The following ALOXE3 variants were observed in gnomAD, a reference collection of about 807,000 sequenced individuals.
ALOXE3 encodes the protein hydroperoxide isomerase ALOXE3.
A neutral mutation model predicts 87.5 loss-of-function variants in ALOXE3; 78 were observed. The observed-to-expected ratio is 0.89, with a 90% confidence interval of 0.74 to 1.08. ALOXE3 has a LOEUF of 1.08. Ranked by LOEUF, ALOXE3 falls within the 50% of genes least tolerant of loss-of-function variation. The pLI, the probability that ALOXE3 is intolerant of heterozygous loss-of-function variation, is 0.00. For synonymous variants in ALOXE3, 363 were observed against 370.8 expected (o/e 0.98, Z 0.24); for missense variants, 946 against 912.4 (o/e 1.04, Z -0.47).
intron 6 of ALOXE3, among the ~76,000 whole-genome samples, chr17:8,113,729 T>C (rs1309256694): frequency 6.7e-6 from 1 of 149,852 alleles, no homozygotes; most frequent in Non-Finnish European, 1.5e-5. Flanking sequence ...TAACATAGGA[T>C]GTATAAAGAT....
chr17:8,109,829 C>T (rs1024861701), intron 11 of ALOXE3, 87 bp downstream of exon 11: 13 of 1,381,238 alleles, frequency 9.4e-6, no homozygotes, highest in Non-Finnish European at 1.3e-5. Context: ...TCACAAGGGG[C>T]TTGGGCGCAG....
chr17:8,118,293 C>T lies in ALOXE3; in HGVS notation c.-303G>A, dbSNP rs900955386. 2 of 1,551,720 alleles carry T rather than the reference C, an allele frequency of 1.3e-6. No individual in the cohort carries two copies. Among genetic ancestry groups the T allele is most frequent in the Non-Finnish European group, 1.7e-6 (2 of 1,146,996 alleles). ...GGCTCACCCAGATGGATATCAGGAG[C>T]CTGGGTTCCACTGCGGAGGGAGGGA... is the stretch of plus-strand genomic sequence containing the variant. On this transcript the variant is annotated 5_prime_UTR_variant, in exon 2 of 16. Transcript: ENST00000448843.
chr17:8,104,361 G>A, intron 13 of ALOXE3, 146 bp from the exon 14 acceptor site: 1 of 668,470 alleles, frequency 1.5e-6, no homozygotes, highest in Non-Finnish European at 2.7e-6. Flanking sequence ...GTTAGGGATG[G>A]CCACCACCAA....
rs116686400 is a variant in ALOXE3 at position 8,096,366 on chromosome 17, G to T, written c.*261C>A. The T allele has an allele frequency of 3.1e-4, 148 of 471,636 alleles. 1 individual carries two copies. Among genetic ancestry groups the T allele is most frequent in the African/African-American group, 2.6e-3 (134 of 51,720 alleles). The allele number at this position is 471,636 out of a possible 1,614,324, so 29.2% of individuals were successfully genotyped here. A position where few individuals can be genotyped will look rare whatever the true frequency, so the allele number is the denominator to read the frequency against. ...CCCAAGTGGGGCAAGAAGTGAAGCG[G>T]TTCCTTCCTTTCGGAGGGGCTATTG... is the stretch of plus-strand genomic sequence containing the variant. On this transcript the variant is annotated 3_prime_UTR_variant, in exon 16 of 16. Transcript: ENST00000448843.
chr17:8,110,033 G>A (rs1232687617), intron 10 of ALOXE3, 31 bp from the exon 11 acceptor site: 1 of 1,570,832 alleles, frequency 6.4e-7, no homozygotes, highest in Non-Finnish European at 8.6e-7. Context: ...GTGAGCTGAA[G>A]GCCGGGGACA....
At position 8,117,132 on chromosome 17, in the gene ALOXE3, AG is replaced by A. The variant is rs1457589282; in HGVS notation, c.148-153del. 3.9e-6 allele frequency: 3 copies of A among 759,864 alleles called. No individual in the cohort carries two copies. The African/African-American group carries it at 5.2e-5, about 13-fold the overall frequency. The allele number at this position is 759,864 out of a possible 1,614,324, so 47.1% of individuals were successfully genotyped here. Reference sequence around the variant, plus strand: ...CCGGGCTTTTGTATGAATTAGAAAAAGCTTCCCCGGGCCGGGAGAGGTGGCT... The same window carrying A: ...CCGGGCTTTTGTATGAATTAGAAAAACTTCCCCGGGCCGGGAGAGGTGGCT... On this transcript the variant is annotated intron_variant, in intron 2 of 15. Transcript: ENST00000448843.
At chr17:8,108,714 C>G in intron 12 of ALOXE3, 125 bp from the exon 13 acceptor site, 1 of 1,418,928 alleles carries the variant, frequency 7.0e-7, no homozygotes, top group Non-Finnish European at 9.7e-7. Flanking sequence ...CAGGGACCCC[C>G]AGGTGCAGCT....
Position 8,103,633 on chromosome 17 carries a change from G to A in ALOXE3, c.1786-140C>T. 5 of 923,024 alleles carry A rather than the reference G, an allele frequency of 5.4e-6. No individual in the cohort carries two copies. The South Asian group carries it at 5.7e-5, about 11-fold the overall frequency. The allele number at this position is 923,024 out of a possible 1,614,324, so 57.2% of individuals were successfully genotyped here. ...GGGATCACGGAAAGGCAAGAGAGCT[G>A]GGAAATGAGGGGATCATGGAAAGGC... On this transcript the variant is annotated intron_variant, in intron 14 of 15. Coordinates refer to ENST00000448843, the MANE Select transcript of ALOXE3 (RefSeq NM_021628.3).
intron 6 of ALOXE3, 132 bp downstream of exon 6, chr17:8,114,352 G>A: frequency 7.9e-7 from 1 of 1,259,204 alleles, no homozygotes; most frequent in Non-Finnish European, 1.1e-6. Context: ...GAGAGGGAAT[G>A]AGTCCAGAGA....
At chr17:8,109,406 G>C in intron 11 of ALOXE3, 63 bp from the exon 12 acceptor site, 1 of 1,592,350 alleles carries the variant, frequency 6.3e-7, no homozygotes, top group Non-Finnish European at 8.5e-7. Context: ...GTCTGGGCAC[G>C]AGATGGGGCT....
At chr17:8,108,064 A>AAAGAAAGAAAGAAAGG (rs1555647186) in intron 13 of ALOXE3, among the ~76,000 whole-genome samples, 2 of 149,332 alleles carry the variant, frequency 1.3e-5, no homozygotes, top group Admixed American at 6.7e-5. Context: ...AGAAAGAAAG[A>AAAGAAAGAAAGAAAGG]AAGGAAGAGA....
rs1980629564 is a variant in ALOXE3, at chr17:8,116,820, T to G, written c.308A>C (p.Gln103Pro). ...DGSVSHFPCYQWIEGYCTVEL... is the reference protein window; with the variant it reads ...DGSVSHFPCYPWIEGYCTVEL... Reference sequence around the variant, plus strand: ...CACGGTGCAGTAGCCTTCAATCCACTGATAGCAGGGGAAGTGGGATACACT... The same window carrying G: ...CACGGTGCAGTAGCCTTCAATCCACGGATAGCAGGGGAAGTGGGATACACT... Residue 103 changes from glutamine (Q) to proline (P), a missense_variant, in exon 3 of 16, where the codon CAG becomes CCG. Physicochemically the swap from Gln to Pro is moderately conservative, Grantham distance 76. Transcript: ENST00000448843. The G allele has an allele frequency of 2.5e-6, 4 of 1,614,188 alleles. No homozygotes were observed. Among genetic ancestry groups the G allele is most frequent in the Non-Finnish European group, 3.4e-6 (4 of 1,180,024 alleles).
intron 3 of ALOXE3, 28 bp from the exon 4 acceptor site, chr17:8,115,716 A>G (rs1424224035): frequency 1.9e-5 from 30 of 1,597,860 alleles, no homozygotes; most frequent in Middle Eastern, 1.7e-4. Context: ...TACTCTTGGT[A>G]TAAGTCTCTT....
At chr17:8,117,735 G>A in intron 2 of ALOXE3, 109 bp downstream of exon 2, 1 of 1,536,070 alleles carries the variant, frequency 6.5e-7, no homozygotes. Context: ...AGGAGGTCAG[G>A]GCCGGTATCC....
chr17:8,113,419 A>G (rs1980273446), intron 6 of ALOXE3, among the ~76,000 whole-genome samples: 1 of 152,156 alleles, frequency 6.6e-6, no homozygotes, highest in Admixed American at 6.5e-5. Flanking sequence ...TTGGGAGGCC[A>G]AGATGGGCCG....
intron 6 of ALOXE3, among the ~76,000 whole-genome samples, chr17:8,114,075 G>T (rs1025536655): frequency 1.3e-5 from 2 of 151,970 alleles, no homozygotes; most frequent in Non-Finnish European, 2.9e-5. Context: ...GGCACCTGGG[G>T]AAGGGAGGGT....
chr17:8,110,112 G>C lies in ALOXE3; in HGVS notation c.1285C>G (p.Leu429Val). 1 of 1,612,738 alleles carries C rather than the reference G, an allele frequency of 6.2e-7. No individual in the cohort carries two copies. Among genetic ancestry groups the C allele is most frequent in the Non-Finnish European group, 8.5e-7 (1 of 1,179,554 alleles). Residue 429 changes from leucine to valine, a missense_variant, in exon 10 of 16, where the codon CTC becomes GTC. Coordinates refer to ENST00000448843, the MANE Select transcript of ALOXE3 (RefSeq NM_021628.3). ...CGGACCTTGTAGATGGGGTGGCAGA[G>C]CGGCAGCTGGCGCAGCGTGGCCATG... ...FAMATLRQLP[L>V]CHPIYKLLLP...
intron 7 of ALOXE3, 134 bp from the exon 8 acceptor site, chr17:8,111,665 T>G (rs1980102164): frequency 1.2e-6 from 1 of 857,120 alleles, no homozygotes; most frequent in African/African-American, 1.7e-5. Context: ...CATTATATCT[T>G]CAATTTAATA....
chr17:8,113,321 T>A (rs1339553668), intron 6 of ALOXE3, among the ~76,000 whole-genome samples: 1 of 152,232 alleles, frequency 6.6e-6, no homozygotes, highest in Admixed American at 6.5e-5. Flanking sequence ...CCATATCCAG[T>A]TCATAATATG....
Sources: allele counts gnomAD v4.1 joint callset (sites outside exome capture counted in the v4.1 genomes callset), GRCh38; gene constraint gnomAD v4.1.1; transcripts MANE v1.5; gene names NCBI Gene and HGNC (gene_info 2026-07-23, HGNC 2026-07-21).